The following MTUS2 variants were observed in gnomAD, a reference collection of about 807,000 sequenced individuals.
MTUS2 encodes the protein microtubule-associated tumor suppressor candidate 2.
In MTUS2, 40 loss-of-function variants were observed where a neutral mutation model predicts 114.1. The observed-to-expected ratio is 0.35, with a 90% CI of 0.27 to 0.46. MTUS2 has a LOEUF of 0.46. Ranked by LOEUF, MTUS2 falls within the 20% of genes least tolerant of loss-of-function variation. The pLI is 1.00. For synonymous variants in MTUS2, 688 were observed against 672.0 expected (o/e 1.02, Z -0.37); for missense variants, 1,679 against 1,705.4 (o/e 0.98, Z 0.27).
chr13:28,958,434 T>C (rs1446886434), intron 2 of MTUS2, among the ~76,000 whole-genome samples: 1 of 152,216 alleles, frequency 6.6e-6, no homozygotes, highest in Non-Finnish European at 1.5e-5. Flanking sequence ...GAGGAAAATA[T>C]AAGTAAGCCT....
chr13:29,227,258 C>CAAAAA (rs10680419), intron 5 of MTUS2, among the ~76,000 whole-genome samples: 1 of 120,634 alleles, frequency 8.3e-6, no homozygotes, highest in Non-Finnish European at 1.7e-5. Context: ...GACTCCGTCT[C>CAAAAA]AAAAAAAAAA....
chr13:29,469,366 C>T (rs1360367501), intron 9 of MTUS2, among the ~76,000 whole-genome samples: 3 of 152,158 alleles, frequency 2.0e-5, no homozygotes, highest in East Asian at 3.9e-4. Flanking sequence ...TGGTGGCTCA[C>T]GCCTGTAATC....
intron 2 of MTUS2, among the ~76,000 whole-genome samples, chr13:28,957,683 G>A (rs1292444811): frequency 7.0e-6 from 1 of 142,736 alleles, no homozygotes; most frequent in Non-Finnish European, 1.6e-5. Flanking sequence ...TTTTGTATCT[G>A]GAGGGGGGGG....
chr13:29,034,482 C>T (rs1273305401), intron 4 of MTUS2, among the ~76,000 whole-genome samples: 1 of 152,056 alleles, frequency 6.6e-6, no homozygotes, highest in East Asian at 1.9e-4. Flanking sequence ...CTGTTTAGGG[C>T]CTTGGTCCAT....
intron 8 of MTUS2, among the ~76,000 whole-genome samples, chr13:29,377,073 T>A (rs1430236246): frequency 6.6e-6 from 1 of 152,122 alleles, no homozygotes. Context: ...CCTAAATGTG[T>A]TTGCATCTAA....
chr13:29,446,830 G>A (rs926549909), intron 9 of MTUS2, among the ~76,000 whole-genome samples: 1 of 152,148 alleles, frequency 6.6e-6, no homozygotes, highest in African/African-American at 2.4e-5. Context: ...ACACACAAAT[G>A]AGAAGAGACA....
At chr13:29,426,008 G>T (rs572634435) in intron 8 of MTUS2, among the ~76,000 whole-genome samples, 1 of 152,302 alleles carries the variant, frequency 6.6e-6, no homozygotes, top group South Asian at 2.1e-4. Context: ...GGAACTATCT[G>T]CAGGAAGACG....
At chr13:29,466,431 C>T (rs1294414840) in intron 9 of MTUS2, among the ~76,000 whole-genome samples, 1 of 152,120 alleles carries the variant, frequency 6.6e-6, no homozygotes, top group East Asian at 1.9e-4. Flanking sequence ...CCTAGGAATC[C>T]GTTTGATGTA....
intron 2 of MTUS2, among the ~76,000 whole-genome samples, chr13:28,951,235 C>T (rs1403725136): frequency 1.3e-5 from 2 of 152,188 alleles, no homozygotes; most frequent in Admixed American, 6.5e-5. Flanking sequence ...AGAAGACTTA[C>T]ACACTGAAAA....
intron 5 of MTUS2, among the ~76,000 whole-genome samples, chr13:29,188,628 C>G (rs1191508313): frequency 3.3e-5 from 5 of 152,180 alleles, no homozygotes; most frequent in Admixed American, 1.3e-4. Flanking sequence ...GCCTAAAAGA[C>G]CCTCAGGCCA....
intron 10 of MTUS2, among the ~76,000 whole-genome samples, chr13:29,485,842 C>T (rs1417208791): frequency 3.4e-5 from 5 of 147,508 alleles, no homozygotes; most frequent in Admixed American, 7.1e-5. Flanking sequence ...GTGTAAGCAC[C>T]GAATAAATTA....
chr13:29,020,356 T>C (rs547316476), intron 2 of MTUS2, among the ~76,000 whole-genome samples: 4 of 152,238 alleles, frequency 2.6e-5, no homozygotes, highest in Non-Finnish European at 5.9e-5. Flanking sequence ...TTGTATTATG[T>C]ACAAGTTTGA....
chr13:29,481,767 A>G (rs1434320456), intron 10 of MTUS2, among the ~76,000 whole-genome samples: 4 of 152,174 alleles, frequency 2.6e-5, no homozygotes, highest in Non-Finnish European at 5.9e-5. Flanking sequence ...TCTACACAGT[A>G]TCTCAGGTTA....
At chr13:29,375,447 T>C (rs144841119) in intron 8 of MTUS2, among the ~76,000 whole-genome samples, 267 of 119,352 alleles carry the variant, frequency 2.2e-3, no homozygotes, top group African/African-American at 8.3e-3. Flanking sequence ...ATTACTTACT[T>C]TTAATGGCAA....
intron 2 of MTUS2, among the ~76,000 whole-genome samples, chr13:29,017,818 A>G (rs912864986): frequency 2.6e-5 from 4 of 152,210 alleles, no homozygotes; most frequent in East Asian, 3.8e-4. Context: ...CAGAAATTAC[A>G]TAGCAAACAG....
intron 5 of MTUS2, among the ~76,000 whole-genome samples, chr13:29,234,567 C>T (rs1425652142): frequency 6.6e-6 from 1 of 152,086 alleles, no homozygotes; most frequent in Non-Finnish European, 1.5e-5. Context: ...TGAGGTCAAG[C>T]CTGATTTGTA....
intron 2 of MTUS2, among the ~76,000 whole-genome samples, chr13:28,848,750 C>T (rs750570079): frequency 6.6e-6 from 1 of 152,058 alleles, no homozygotes; most frequent in Non-Finnish European, 1.5e-5. Flanking sequence ...ATTTTTGGCT[C>T]GAATGGTCTC....
chr13:29,079,808 G>A (rs1295299872), intron 4 of MTUS2, among the ~76,000 whole-genome samples: 2 of 152,126 alleles, frequency 1.3e-5, no homozygotes, highest in African/African-American at 2.4e-5. Context: ...TTTACACTAA[G>A]CTTTGAAATG....
intron 2 of MTUS2, among the ~76,000 whole-genome samples, chr13:28,981,229 T>G (rs1303845800): frequency 6.6e-6 from 1 of 152,200 alleles, no homozygotes; most frequent in East Asian, 1.9e-4. Flanking sequence ...ATAAAGATAC[T>G]ACTAATATAT....
Sources: gnomAD v4.1 joint callset for allele counts (sites outside exome capture counted in the v4.1 genomes callset) on GRCh38, gnomAD v4.1.1 for gene constraint, MANE v1.5 for transcripts, NCBI Gene and HGNC (gene_info 2026-07-23, HGNC 2026-07-21) for gene names.